POU2F3: variants seen among roughly 807,000 people sequenced by gnomAD.
The protein encoded by POU2F3 is POU domain, class 2, transcription factor 3.
A neutral mutation model predicts 59.2 loss-of-function variants in POU2F3; 23 were observed. The observed-to-expected ratio is 0.39, with a 90% CI of 0.28 to 0.55. The LOEUF (loss-of-function observed/expected upper bound fraction) is 0.55. Ranked by LOEUF, POU2F3 falls within the 20% of genes least tolerant of loss-of-function variation. POU2F3 has a pLI of 0.66. For synonymous variants in POU2F3, 190 were observed against 214.6 expected (o/e 0.89, Z 1.00); for missense variants, 473 against 544.5 (o/e 0.87, Z 1.31).
intron 3 of POU2F3, among the ~76,000 whole-genome samples, chr11:120,272,161 G>C (rs1940105619): frequency 6.6e-6 from 1 of 152,156 alleles, no homozygotes; most frequent in Non-Finnish European, 1.5e-5. Context: ...AAACCAATGA[G>C]GTAGGTGATA....
chr11:120,304,798 G>A (rs1941438388), intron 6 of POU2F3, among the ~76,000 whole-genome samples: 2 of 151,918 alleles, frequency 1.3e-5, no homozygotes, highest in Non-Finnish European at 1.5e-5. Flanking sequence ...CTGCACTCCT[G>A]ATGTTTCTAC....
intron 2 of POU2F3, among the ~76,000 whole-genome samples, chr11:120,248,763 A>G (rs1938973575): frequency 6.6e-6 from 1 of 152,220 alleles, no homozygotes; most frequent in African/African-American, 2.4e-5. Flanking sequence ...GTGGCTAATT[A>G]AAGTAACCAA....
intron 3 of POU2F3, among the ~76,000 whole-genome samples, chr11:120,289,817 G>A (rs952164389): frequency 2.6e-5 from 4 of 152,218 alleles, no homozygotes; most frequent in East Asian, 1.9e-4. Flanking sequence ...TCTCCTCCCT[G>A]ACAAAGCGAA....
intron 3 of POU2F3, among the ~76,000 whole-genome samples, chr11:120,288,831 T>TGATGTATTACATAC (rs1940918896): frequency 6.6e-6 from 1 of 150,544 alleles, no homozygotes; most frequent in South Asian, 2.1e-4. Flanking sequence ...GTATTACATA[T>TGATGTATTACATAC]GTACATGTAT....
At chr11:120,316,818 A>G (rs1941799810) in intron 11 of POU2F3, among the ~76,000 whole-genome samples, 1 of 152,082 alleles carries the variant, frequency 6.6e-6, no homozygotes, top group Admixed American at 6.6e-5. Flanking sequence ...TCGTGCCCTC[A>G]AGTTCTCTTT....
At chr11:120,305,358 A>T in intron 7 of POU2F3, 146 bp downstream of exon 7, 1 of 1,011,674 alleles carries the variant, frequency 9.9e-7, no homozygotes, top group Non-Finnish European at 1.4e-6. Context: ...AATAGGGCAC[A>T]GTTGCCATTG....
chr11:120,266,178 C>A (rs1397593006), intron 2 of POU2F3, among the ~76,000 whole-genome samples: 1 of 152,180 alleles, frequency 6.6e-6, no homozygotes, highest in Non-Finnish European at 1.5e-5. Context: ...GTGAGTGGCA[C>A]CACCACAGCT....
At chr11:120,240,568 C>T (rs1938618012) in intron 1 of POU2F3, among the ~76,000 whole-genome samples, 197 bp downstream of exon 1, 1 of 151,698 alleles carries the variant, frequency 6.6e-6, no homozygotes, top group East Asian at 1.9e-4. Flanking sequence ...GATAAGAAAC[C>T]CTGGAAAAGA....
intron 2 of POU2F3, chr11:120,265,185 C>T (rs1245389798): frequency 1.3e-5 from 2 of 152,292 alleles, no homozygotes; most frequent in Non-Finnish European, 1.5e-5. Context: ...GGTGGTTCCT[C>T]TTCAGCCAGA....
rs868089929 is a variant in POU2F3 at position 120,242,766 on chromosome 11, G to C, written c.28+2395G>C. On this transcript the variant is annotated intron_variant, in intron 1 of 12. Transcript: ENST00000543440. ...GGTCTGCCTGGAGCCTTCGCACCTTGTACTTTATAGAGCATCTCTCACCTG... is the reference window on the plus strand; with the variant it reads ...GGTCTGCCTGGAGCCTTCGCACCTTCTACTTTATAGAGCATCTCTCACCTG... 1.4e-4 allele frequency among the ~76,000 whole-genome samples: 21 copies of C among 152,280 alleles called. No individual in the cohort carries two copies. In the Middle Eastern group the frequency reaches 0.014, roughly 99 times the overall value.
intron 3 of POU2F3, among the ~76,000 whole-genome samples, chr11:120,295,203 A>G (rs777908388): frequency 6.6e-6 from 1 of 152,232 alleles, no homozygotes; most frequent in South Asian, 2.1e-4. Flanking sequence ...TTGCAGGAAG[A>G]CCTGGCACAG....
At chr11:120,290,324 C>T (rs548641606) in intron 3 of POU2F3, among the ~76,000 whole-genome samples, 1 of 152,312 alleles carries the variant, frequency 6.6e-6, no homozygotes, top group South Asian at 2.1e-4. Flanking sequence ...ATTTGGGCCA[C>T]AAATATGTGT....
upstream of POU2F3, among the ~76,000 whole-genome samples, chr11:120,239,822 C>T (rs1565348126): frequency 6.6e-6 from 1 of 152,236 alleles, no homozygotes; most frequent in African/African-American, 2.4e-5. Context: ...CTCCTTGCAG[C>T]GCTTACACTT....
At chr11:120,311,195 CA>C (rs1941640788) in intron 10 of POU2F3, among the ~76,000 whole-genome samples, 1 of 152,096 alleles carries the variant, frequency 6.6e-6, no homozygotes, top group Non-Finnish European at 1.5e-5. Flanking sequence ...GGATTGTACA[CA>C]ATGCTAAGGA....
chr11:120,303,238 T>C (rs1397929455), intron 6 of POU2F3: 3 of 150,636 alleles, frequency 2.0e-5, no homozygotes, highest in African/African-American at 7.4e-5. Flanking sequence ...ACCAGCATCA[T>C]AAGCTGCTCT....
intron 10 of POU2F3, among the ~76,000 whole-genome samples, chr11:120,313,189 C>T (rs1565391678): frequency 6.6e-6 from 1 of 152,156 alleles, no homozygotes; most frequent in Admixed American, 6.5e-5. Flanking sequence ...AGTAGATTCT[C>T]CCTTTGGTTC....
chr11:120,259,335 G>T (rs1939496753), intron 2 of POU2F3: 1 of 152,216 alleles, frequency 6.6e-6, no homozygotes, highest in Admixed American at 6.5e-5. Context: ...TCTTGGAGTA[G>T]CAAGTGAGTG....
rs188021139 is a variant in POU2F3, at chr11:120,294,875, G to A, written c.133-3390G>A. Among the ~76,000 whole-genome samples, 32 of 152,062 alleles carry A rather than the reference G, an allele frequency of 2.1e-4. No homozygotes were observed. In the East Asian group the frequency reaches 6.0e-3, roughly 29 times the overall value. On this transcript the variant is annotated intron_variant, in intron 3 of 12. Transcript: ENST00000543440. ...TTGTCTTCTTTTGGGGTTACTATCAGCACTTCACACCCAGAAGGTAATGAA... is the reference window on the plus strand; with the variant it reads ...TTGTCTTCTTTTGGGGTTACTATCAACACTTCACACCCAGAAGGTAATGAA...
chr11:120,268,160 T>C (rs1430349609), intron 2 of POU2F3, among the ~76,000 whole-genome samples: 3 of 152,064 alleles, frequency 2.0e-5, no homozygotes, highest in Non-Finnish European at 2.9e-5. Flanking sequence ...TGATGCTCAC[T>C]GGAAAAAGTG....
Sources: gnomAD v4.1 joint callset for allele counts (sites outside exome capture counted in the v4.1 genomes callset) on GRCh38, gnomAD v4.1.1 for gene constraint, MANE v1.5 for transcripts, NCBI Gene and HGNC (gene_info 2026-07-23, HGNC 2026-07-21) for gene names.